The following PHACTR3 variants were observed in gnomAD, a reference collection of about 807,000 sequenced individuals.
PHACTR3 encodes phosphatase and actin regulator 3.
In PHACTR3, 16 loss-of-function variants were observed where a neutral mutation model predicts 66.8. That is an observed-to-expected ratio of 0.24 (90% CI 0.16 to 0.36). The LOEUF is 0.36. Ranked by LOEUF, PHACTR3 falls within the 10% of genes least tolerant of loss-of-function variation. PHACTR3 has a pLI of 1.00. For missense variants in PHACTR3, 647 were observed against 719.9 expected (o/e 0.90, Z 1.16); for synonymous variants, 323 against 292.1 (o/e 1.11, Z -1.08).
At chr20:59,596,993 G>A (rs1241042822) in intron 1 of PHACTR3, among the ~76,000 whole-genome samples, 1 of 152,256 alleles carries the variant, frequency 6.6e-6, no homozygotes, top group East Asian at 1.9e-4. Flanking sequence ...GTGCCTGACA[G>A]CACACAGGAC....
At chr20:59,594,239 T>C (rs1404515540) in intron 1 of PHACTR3, among the ~76,000 whole-genome samples, 2 of 152,242 alleles carry the variant, frequency 1.3e-5, no homozygotes, top group African/African-American at 4.8e-5. Context: ...GACTTGCTCA[T>C]TGCTGGTTTA....
intron 1 of PHACTR3, among the ~76,000 whole-genome samples, chr20:59,671,630 C>T (rs1283822294): frequency 2.0e-5 from 3 of 152,198 alleles, no homozygotes; most frequent in Admixed American, 6.5e-5. Context: ...ACTCAGAGCT[C>T]GGGTACTGCT....
chr20:59,701,905 G>C (rs1272134054), intron 1 of PHACTR3, among the ~76,000 whole-genome samples: 1 of 152,168 alleles, frequency 6.6e-6, no homozygotes, highest in African/African-American at 2.4e-5. Flanking sequence ...CAGATCTTTT[G>C]GTTGTCACTA....
chr20:59,652,673 C>A (rs2035494746), intron 1 of PHACTR3, among the ~76,000 whole-genome samples: 1 of 152,080 alleles, frequency 6.6e-6, no homozygotes, highest in African/African-American at 2.4e-5. Context: ...TATCTGTCAT[C>A]ATACCTTCTC....
chr20:59,712,100 T>G (rs1161811750), intron 1 of PHACTR3, among the ~76,000 whole-genome samples: 4 of 152,220 alleles, frequency 2.6e-5, no homozygotes, highest in Non-Finnish European at 4.4e-5. Context: ...ATTCTTTTGT[T>G]CTTGATTGGT....
intron 10 of PHACTR3, 60 bp from the exon 11 acceptor site, chr20:59,841,331 TCAGA>T (rs2059057435): frequency 6.6e-7 from 1 of 1,512,212 alleles, no homozygotes; most frequent in Non-Finnish European, 9.0e-7. Flanking sequence ...TGCTGTTTGT[TCAGA>T]GTACTTCAAA....
At chr20:59,832,495 G>A (rs1213177084) in intron 8 of PHACTR3, among the ~76,000 whole-genome samples, 1 of 152,202 alleles carries the variant, frequency 6.6e-6, no homozygotes, top group African/African-American at 2.4e-5. Flanking sequence ...CTTGGTATCT[G>A]GTGGGGGTCT....
intron 1 of PHACTR3, among the ~76,000 whole-genome samples, chr20:59,692,294 T>C (rs2146583323): frequency 6.6e-6 from 1 of 152,318 alleles, no homozygotes; most frequent in African/African-American, 2.4e-5. Context: ...ATAAATAGAA[T>C]TGGGTGACAA....
chr20:59,723,064 T>TTCTTTC (rs1568746923), intron 1 of PHACTR3, among the ~76,000 whole-genome samples: 3 of 44,642 alleles, frequency 6.7e-5, no homozygotes, highest in African/African-American at 2.9e-4. Flanking sequence ...TTCTTTCTCT[T>TTCTTTC]TCTTTCTTTC....
intron 1 of PHACTR3, among the ~76,000 whole-genome samples, chr20:59,607,225 T>A (rs1317364587): frequency 6.6e-6 from 1 of 152,196 alleles, no homozygotes; most frequent in Non-Finnish European, 1.5e-5. Context: ...AAGGGTCTGG[T>A]ACCCATCAGT....
chr20:59,772,118 T>C (rs1032018886), intron 5 of PHACTR3, among the ~76,000 whole-genome samples: 1 of 138,386 alleles, frequency 7.2e-6, no homozygotes, highest in Non-Finnish European at 1.7e-5. Flanking sequence ...GAGTCTTGCA[T>C]ACTGGGAAAT....
chr20:59,824,551 G>A (rs2042131072), intron 8 of PHACTR3, among the ~76,000 whole-genome samples: 1 of 152,220 alleles, frequency 6.6e-6, no homozygotes, highest in Non-Finnish European at 1.5e-5. Context: ...TTCCACTGCA[G>A]GGTTGAACAC....
chr20:59,725,138 G>C lies in PHACTR3; in HGVS notation c.119-17969G>C, dbSNP rs1457406305. 2.0e-5 allele frequency among the ~76,000 whole-genome samples: 3 copies of C among 151,792 alleles called. 1 individual carries two copies. The highest frequency in any genetic ancestry group is 4.4e-5 in the Non-Finnish European group (3 of 67,940). Reference sequence around the variant, plus strand: ...TGAGTTCAGTGAGGCTATGCACTCAGGTGGCTGCAAGCCCAGGTGTGCTGC... The same window carrying C: ...TGAGTTCAGTGAGGCTATGCACTCACGTGGCTGCAAGCCCAGGTGTGCTGC... On this transcript the variant is annotated intron_variant, in intron 1 of 12. Coordinates refer to ENST00000371015, the MANE Select transcript of PHACTR3 (RefSeq NM_080672.5).
Position 59,704,645 on chromosome 20 carries a change from C to T in PHACTR3, c.119-38462C>T, listed in dbSNP as rs959202158. The stretch of plus-strand genomic sequence containing the variant: ...CATTTTTTACATTATACTAAATTCT[C>T]TTTCTGGACTTTTTATTTTATTTGT... On this transcript the variant is annotated intron_variant, in intron 1 of 12. Coordinates refer to ENST00000371015, the MANE Select transcript of PHACTR3 (RefSeq NM_080672.5). Among the ~76,000 whole-genome samples, 5 of 134,862 alleles carry T rather than the reference C, an allele frequency of 3.7e-5. No homozygotes were observed. In the South Asian group the frequency reaches 7.3e-4, roughly 20 times the overall value. The allele number at this position is 134,862 out of a possible 152,430, so 88.5% of individuals were successfully genotyped here. A position where few individuals can be genotyped will look rare whatever the true frequency, so the allele number is the denominator to read the frequency against.
chr20:59,846,563 G>A (rs1003981524), intron 12 of PHACTR3, among the ~76,000 whole-genome samples: 6 of 151,940 alleles, frequency 3.9e-5, no homozygotes, highest in African/African-American at 1.5e-4. Context: ...TCTCAATTTT[G>A]TACATTTTCC....
At chr20:59,744,999 C>G (rs574003241) in intron 2 of PHACTR3, among the ~76,000 whole-genome samples, 2 of 152,184 alleles carry the variant, frequency 1.3e-5, no homozygotes, top group African/African-American at 2.4e-5. Flanking sequence ...TGCACACACA[C>G]GGCACTAATG....
At chr20:59,761,899 G>A (rs576309208) in intron 4 of PHACTR3, among the ~76,000 whole-genome samples, 1 of 152,334 alleles carries the variant, frequency 6.6e-6, no homozygotes, top group East Asian at 1.9e-4. Context: ...CAGCCCCAAG[G>A]GAGCGGTCCC....
intron 1 of PHACTR3, among the ~76,000 whole-genome samples, chr20:59,589,322 CA>C (rs2033124443): frequency 6.6e-6 from 1 of 152,216 alleles, no homozygotes; most frequent in Non-Finnish European, 1.5e-5. Flanking sequence ...CCGATGGACC[CA>C]CCAGCTTCAG....
At chr20:59,697,665 G>A (rs1020811527) in intron 1 of PHACTR3, among the ~76,000 whole-genome samples, 3 of 152,152 alleles carry the variant, frequency 2.0e-5, no homozygotes, top group Non-Finnish European at 4.4e-5. Context: ...GCTAAGAAAG[G>A]AGCAGAGATT....
Sources: allele counts gnomAD v4.1 joint callset (sites outside exome capture counted in the v4.1 genomes callset), GRCh38; gene constraint gnomAD v4.1.1; transcripts MANE v1.5; gene names NCBI Gene and HGNC (gene_info 2026-07-23, HGNC 2026-07-21).